EML5: variants seen among roughly 807,000 people sequenced by gnomAD.
EML5 encodes the protein EMAP like 5, also known as echinoderm microtubule-associated protein-like 5.
Under a neutral mutation model 250.0 loss-of-function variants are expected in EML5, and 120 were observed. The observed-to-expected ratio is 0.48, with a 90% confidence interval of 0.41 to 0.56. The LOEUF (loss-of-function observed/expected upper bound fraction) is 0.56, where lower values mean the gene tolerates loss of function less well. Ranked by LOEUF, EML5 falls within the 20% of genes least tolerant of loss-of-function variation. The pLI is 0.00. For missense variants in EML5, 2,006 were observed against 2,437.6 expected, an observed-to-expected ratio of 0.82 and a Z score of 3.73; for synonymous variants, 771 against 806.5, an observed-to-expected ratio of 0.96 and a Z score of 0.75.
chr14:88,672,080 A>G (rs1036419581), intron 21 of EML5, among the ~76,000 whole-genome samples: 1 of 152,100 alleles, frequency 6.6e-6, no homozygotes, highest in Non-Finnish European at 1.5e-5. Flanking sequence ...CTCTCCAACC[A>G]AAAACAATAG....
At chr14:88,687,028 C>T (rs1253542191) in intron 19 of EML5, among the ~76,000 whole-genome samples, 188 bp downstream of exon 19, 1 of 152,112 alleles carries the variant, frequency 6.6e-6, no homozygotes, top group Non-Finnish European at 1.5e-5. Flanking sequence ...CCATGTGTAT[C>T]ATAGAAAATA....
chr14:88,666,708 T>C (rs942239326), intron 21 of EML5, among the ~76,000 whole-genome samples: 3 of 152,118 alleles, frequency 2.0e-5, no homozygotes, highest in African/African-American at 4.8e-5. Flanking sequence ...TAGTGCTGCA[T>C]TGATAAACAC....
intron 7 of EML5, among the ~76,000 whole-genome samples, chr14:88,734,954 A>G (rs982687325): frequency 2.0e-5 from 3 of 152,172 alleles, no homozygotes; most frequent in Non-Finnish European, 4.4e-5. Context: ...AATCATAAAA[A>G]TATTTTATGA....
In EML5 at chr14:88,682,046, T is replaced by G. The variant is rs759140688; in HGVS notation, c.2983-15A>C. ...TCCATGTGTCCCTATAAAGAAAACA[T>G]AGGATCAATTTAGTGTATGTGTGTG... On this transcript the variant is annotated splice_polypyrimidine_tract_variant and intron_variant, in intron 20 of 43. Coordinates refer to ENST00000554922, the MANE Select transcript of EML5 (RefSeq NM_183387.3). The G allele has an allele frequency of 1.3e-6, 2 of 1,578,948 alleles. No homozygotes were observed. Among genetic ancestry groups the G allele is most frequent in the Non-Finnish European group, 1.7e-6 (2 of 1,167,104 alleles).
At chr14:88,736,082 C>A (rs1013437542) in intron 7 of EML5, among the ~76,000 whole-genome samples, 11 of 150,798 alleles carry the variant, frequency 7.3e-5, no homozygotes, top group Admixed American at 4.6e-4. Context: ...CGCACTGCAA[C>A]CTTCGCCTCC....
At chr14:88,695,286 C>A in intron 16 of EML5, 75 bp downstream of exon 16, 1 of 1,180,226 alleles carries the variant, frequency 8.5e-7, no homozygotes, top group Non-Finnish European at 1.2e-6. Flanking sequence ...TTTCAAAATT[C>A]TTTTAATTAA....
chr14:88,636,138 G>A (rs2090712363), intron 32 of EML5, among the ~76,000 whole-genome samples: 1 of 152,182 alleles, frequency 6.6e-6, no homozygotes, highest in South Asian at 2.1e-4. Flanking sequence ...CCCCTCAAGA[G>A]TATACACATT....
At chr14:88,684,955 A>C in intron 20 of EML5, 60 bp downstream of exon 20, 1 of 1,426,374 alleles carries the variant, frequency 7.0e-7, no homozygotes, top group Non-Finnish European at 9.5e-7. Context: ...TTTGGCTCTT[A>C]TATATTGAAA....
At chr14:88,785,101 G>A (rs756855380) in intron 1 of EML5, among the ~76,000 whole-genome samples, 41 of 152,234 alleles carry the variant, frequency 2.7e-4, no homozygotes, top group African/African-American at 6.3e-4. Flanking sequence ...GACAAACATC[G>A]CATGTTCCCA....
At chr14:88,763,798 C>A (rs1284122459) in intron 1 of EML5, among the ~76,000 whole-genome samples, 2 of 152,160 alleles carry the variant, frequency 1.3e-5, no homozygotes, top group Non-Finnish European at 2.9e-5. Context: ...CAAGAATAGA[C>A]ACTCTGGTCT....
At chr14:88,695,321 T>C in intron 16 of EML5, 40 bp downstream of exon 16, 1 of 1,525,488 alleles carries the variant, frequency 6.6e-7, no homozygotes. Flanking sequence ...CCAAAGTAAT[T>C]CTAGTATTTT....
In EML5 at chr14:88,792,297, TC is replaced by T; in HGVS notation, c.197+9del. 2 of 1,546,772 alleles carry T rather than the reference TC, an allele frequency of 1.3e-6. No individual in the cohort carries two copies. The highest frequency in any genetic ancestry group is 8.7e-7 in the Non-Finnish European group (1 of 1,147,602). ...GCAGGGTGACGGCGGCGGCCCCCGCTCCCCGGTACCTGATGATGTCGTCGCT... is the reference window on the plus strand; with the variant it reads ...GCAGGGTGACGGCGGCGGCCCCCGCTCCCGGTACCTGATGATGTCGTCGCT... On this transcript the variant is annotated intron_variant, in intron 1 of 43. Transcript: ENST00000554922. This position sits in a 1 kb window ranked among gnomAD's most constrained non-coding sequence, Gnocchi z 6.9.
chr14:88,622,513 A>G, intron 37 of EML5, 91 bp downstream of exon 37: 4 of 1,016,192 alleles, frequency 3.9e-6, no homozygotes, highest in Non-Finnish European at 5.6e-6. Flanking sequence ...ATTATTAAGT[A>G]TTGTTCATTA....
rs759023036 is a variant in EML5, at chr14:88,622,587, C to G, written c.5013+17G>C. ...TCTGTTTTCTGCTGCACTGTATCAG[C>G]TCATGGAACATCTTACTTTGCCTCT... On this transcript the variant is annotated intron_variant, in intron 37 of 43. Transcript: ENST00000554922. 6 of 1,582,250 alleles carry G rather than the reference C, an allele frequency of 3.8e-6. No homozygotes were observed. The highest frequency in any genetic ancestry group is 3.6e-5 in the Admixed American group (2 of 55,966).
intron 21 of EML5, among the ~76,000 whole-genome samples, chr14:88,669,815 A>G (rs34706463): frequency 0.18 from 26,629 of 152,118 alleles, 2,878 homozygotes; most frequent in East Asian, 0.47. Flanking sequence ...AGGGGTTGCT[A>G]GACACCTTAT....
chr14:88,646,165 TCATAAAATTAAAGG>T (rs1697998178), intron 29 of EML5, among the ~76,000 whole-genome samples: 1 of 152,132 alleles, frequency 6.6e-6, no homozygotes, highest in Non-Finnish European at 1.5e-5. Flanking sequence ...TGAACAAGTC[TCATAAAATTAAAGG>T]CATAAAATAT....
intron 24 of EML5, 54 bp from the exon 25 acceptor site, chr14:88,661,884 A>C (rs941017060): frequency 1.4e-6 from 2 of 1,476,428 alleles, no homozygotes; most frequent in Non-Finnish European, 1.8e-6. Context: ...TAAAGTATTA[A>C]CAACCAAAAT....
intron 27 of EML5, among the ~76,000 whole-genome samples, chr14:88,654,019 G>C (rs112968893): frequency 6.6e-6 from 1 of 152,134 alleles, no homozygotes; most frequent in Admixed American, 6.5e-5. Flanking sequence ...TTGGGAGGGT[G>C]TATGTGTCCA....
chr14:88,666,745 G>A (rs1300536959), intron 21 of EML5, among the ~76,000 whole-genome samples: 1 of 151,896 alleles, frequency 6.6e-6, no homozygotes, highest in Non-Finnish European at 1.5e-5. Flanking sequence ...TAACAGCAAG[G>A]GTTGCAGCAA....
Sources: allele counts gnomAD v4.1 joint callset (sites outside exome capture counted in the v4.1 genomes callset), GRCh38; gene constraint gnomAD v4.1.1; non-coding constraint Gnocchi (gnomAD v3.1); transcripts MANE v1.5; gene names NCBI Gene and HGNC (gene_info 2026-07-23, HGNC 2026-07-21).